Variants in STRIP2 observed in about 807,000 individuals in gnomAD.
STRIP2 encodes striatin interacting protein 2.
In STRIP2, 84 loss-of-function variants were observed where a neutral mutation model predicts 107.1. The observed-to-expected ratio is 0.78, with a 90% CI of 0.66 to 0.94. STRIP2 has a LOEUF of 0.94. Among genes scored for constraint, STRIP2 ranks in the 40% least tolerant of loss-of-function variants. The pLI, the probability that STRIP2 is intolerant of heterozygous loss-of-function variation, is 0.00. For missense variants in STRIP2, 888 were observed against 1,034.2 expected (o/e 0.86, Z 1.94); for synonymous variants, 394 against 400.4 (o/e 0.98, Z 0.19).
chr7:129,444,759 A>G (rs1797990225), intron 3 of STRIP2, among the ~76,000 whole-genome samples: 1 of 152,172 alleles, frequency 6.6e-6, no homozygotes, highest in Non-Finnish European at 1.5e-5. Context: ...ACAAAGGATA[A>G]CATAAATATC....
intron 1 of STRIP2, among the ~76,000 whole-genome samples, chr7:129,436,237 C>T (rs1004526696): frequency 1.3e-5 from 2 of 152,194 alleles, no homozygotes; most frequent in Non-Finnish European, 2.9e-5. Context: ...AAGATAGGGT[C>T]TTCGCCCATG....
intron 18 of STRIP2, among the ~76,000 whole-genome samples, chr7:129,474,643 G>A (rs1434986524): frequency 6.6e-6 from 1 of 152,054 alleles, no homozygotes; most frequent in Non-Finnish European, 1.5e-5. Flanking sequence ...CCAAGTAGCT[G>A]GGATTACAGG....
intron 1 of STRIP2, among the ~76,000 whole-genome samples, chr7:129,439,808 T>C (rs574874212): frequency 6.5e-4 from 99 of 152,312 alleles, no homozygotes; most frequent in Non-Finnish European, 1.2e-3. Context: ...CGATTTTGTA[T>C]AGGAATCCTC....
At chr7:129,439,799 G>A (rs564043779) in intron 1 of STRIP2, among the ~76,000 whole-genome samples, 6 of 152,178 alleles carry the variant, frequency 3.9e-5, no homozygotes, top group Admixed American at 1.3e-4. Context: ...CAGACTTTCC[G>A]ATTTTGTATA....
chr7:129,454,535 A>G lies in STRIP2; in HGVS notation c.706+8A>G. Reference sequence around the variant, plus strand: ...CCTTCCGCACTGAATTAAGTAAGAAATGGCACTTGAGGAAGGTGTGGATGG... The same window carrying G: ...CCTTCCGCACTGAATTAAGTAAGAAGTGGCACTTGAGGAAGGTGTGGATGG... On this transcript the variant is annotated splice_region_variant and intron_variant, in intron 7 of 20. Coordinates refer to ENST00000249344, the MANE Select transcript of STRIP2 (RefSeq NM_020704.3). The G allele has an allele frequency of 6.3e-7, 1 of 1,584,988 alleles. No homozygotes were observed. The highest frequency in any genetic ancestry group is 1.1e-5 in the South Asian group (1 of 90,482).
intron 18 of STRIP2, among the ~76,000 whole-genome samples, chr7:129,474,588 C>T (rs933784331): frequency 8.5e-5 from 13 of 152,258 alleles, no homozygotes; most frequent in Admixed American, 7.8e-4. Context: ...CTGCTCACTG[C>T]AGCCTCCACC....
At chr7:129,477,001 C>T (rs964813452) in intron 18 of STRIP2, among the ~76,000 whole-genome samples, 1 of 150,302 alleles carries the variant, frequency 6.7e-6, no homozygotes, top group South Asian at 2.1e-4. Context: ...AGCGAAACCC[C>T]GTCTCCACCA....
In STRIP2 at chr7:129,458,007, A is replaced by C; in HGVS notation, c.1039-208A>C. The C allele has an allele frequency of 1.7e-6, 1 of 605,448 alleles. No homozygotes were observed. The highest frequency in any genetic ancestry group is 2.9e-5 in the East Asian group (1 of 34,036). The allele number at this position is 605,448 out of a possible 1,614,324, so 37.5% of individuals were successfully genotyped here. ...ATTATCTATGCTATGTTCCCTGGCT[A>C]ATGGCAGGGTTACCTGAGAACTTCT... On this transcript the variant is annotated intron_variant, in intron 9 of 20. Coordinates refer to ENST00000249344, the MANE Select transcript of STRIP2 (RefSeq NM_020704.3). The surrounding 1 kb of genome is among the most constrained non-coding windows in gnomAD (Gnocchi z 4.6).
chr7:129,481,020 AC>A, intron 19 of STRIP2, 131 bp downstream of exon 19: 2 of 634,266 alleles, frequency 3.2e-6, no homozygotes, highest in Non-Finnish European at 5.4e-6. Context: ...AAGATTTAGC[AC>A]CTCATAATTC....
intron 8 of STRIP2, among the ~76,000 whole-genome samples, chr7:129,455,644 G>A (rs1584948040): frequency 6.6e-6 from 1 of 152,310 alleles, no homozygotes; most frequent in African/African-American, 2.4e-5. Flanking sequence ...AATGTTTGAT[G>A]GAGAGAACAC....
At chr7:129,466,528 A>G (rs1798674351) in intron 16 of STRIP2, among the ~76,000 whole-genome samples, 1 of 152,180 alleles carries the variant, frequency 6.6e-6, no homozygotes, top group Non-Finnish European at 1.5e-5. Context: ...CTATACTAGA[A>G]TACTAGGTTC....
chr7:129,450,918 C>CTTTTTTTTT lies in STRIP2; in HGVS notation c.275-667_275-659dup, dbSNP rs758536953. ...GGCCACAGCATTAGTGAGAAAGGTC[C>CTTTTTTTTT]TTTTTTTTTTTTTTTTTTTTTTTTT... On this transcript the variant is annotated intron_variant, in intron 3 of 20. Coordinates refer to ENST00000249344, the MANE Select transcript of STRIP2 (RefSeq NM_020704.3). Among the ~76,000 whole-genome samples, 18 of 54,508 alleles carry CTTTTTTTTT rather than the reference C, an allele frequency of 3.3e-4. 5 individuals are homozygous for CTTTTTTTTT. Among genetic ancestry groups the CTTTTTTTTT allele is most frequent in the African/African-American group, 7.9e-4 (10 of 12,680 alleles). 35.8% of individuals were successfully genotyped at this position (54,508 alleles called of 152,430 possible). A position where few individuals can be genotyped will look rare whatever the true frequency, so the allele number is the denominator to read the frequency against.
At chr7:129,457,723 C>T (rs1440322798) in intron 9 of STRIP2, among the ~76,000 whole-genome samples, 1 of 152,180 alleles carries the variant, frequency 6.6e-6, no homozygotes, top group East Asian at 1.9e-4. Flanking sequence ...TCTTAACAAC[C>T]AGAGACAGTC....
intron 12 of STRIP2, among the ~76,000 whole-genome samples, 192 bp downstream of exon 12, chr7:129,459,772 A>G (rs1023898078): frequency 2.6e-5 from 4 of 152,204 alleles, no homozygotes; most frequent in Non-Finnish European, 5.9e-5. Flanking sequence ...ATATTCAGGT[A>G]GATTTTAAAA....
chr7:129,460,833 C>T (rs758590056), intron 13 of STRIP2, among the ~76,000 whole-genome samples: 1 of 152,142 alleles, frequency 6.6e-6, no homozygotes, highest in East Asian at 1.9e-4. Context: ...AGCACAGGGC[C>T]GAGGGCTGGG....
intron 18 of STRIP2, among the ~76,000 whole-genome samples, chr7:129,476,812 G>A (rs1798967061): frequency 6.6e-6 from 1 of 152,154 alleles, no homozygotes; most frequent in South Asian, 2.1e-4. Flanking sequence ...ACTTTGGGAG[G>A]CCAAGGCAGG....
chr7:129,484,516 C>T (rs1799199026), intron 20 of STRIP2: 1 of 152,160 alleles, frequency 6.6e-6, no homozygotes, highest in Admixed American at 6.5e-5. Flanking sequence ...ACTTACCTGG[C>T]AGGGAAAATA....
chr7:129,470,941 C>T (rs571157800), intron 18 of STRIP2, among the ~76,000 whole-genome samples: 1 of 152,226 alleles, frequency 6.6e-6, no homozygotes, highest in African/African-American at 2.4e-5. Context: ...AGGAAACAGC[C>T]AGTGAAAAAC....
At position 129,454,466 on chromosome 7, in the gene STRIP2, GGAGCGA is replaced by G. The variant is rs1412501633; in HGVS notation, c.649_654del (p.Arg217_Glu218del). 1 of 1,614,026 alleles carries G rather than the reference GGAGCGA, an allele frequency of 6.2e-7. No individual in the cohort carries two copies. Among genetic ancestry groups the G allele is most frequent in the East Asian group, 2.2e-5 (1 of 44,894 alleles). ...ACCTAATGGTGGAAAATATTCGCCT[GGAGCGA>G]GAGACAGACCCCTGTGGGTGGAGAA... On this transcript the variant is annotated inframe_deletion, in exon 7 of 21. Coordinates refer to ENST00000249344, the MANE Select transcript of STRIP2 (RefSeq NM_020704.3).
Sources: allele counts gnomAD v4.1 joint callset (sites outside exome capture counted in the v4.1 genomes callset), GRCh38; gene constraint gnomAD v4.1.1; non-coding constraint Gnocchi (gnomAD v3.1); transcripts MANE v1.5; gene names NCBI Gene and HGNC (gene_info 2026-07-23, HGNC 2026-07-21).